The following CHIC2 variants were observed in gnomAD, a reference collection of about 807,000 sequenced individuals.
CHIC2 encodes the protein cysteine rich hydrophobic domain 2, also known as cysteine-rich hydrophobic domain-containing protein 2.
Under a neutral mutation model 25.9 loss-of-function variants are expected in CHIC2, and 14 were observed. That is an observed-to-expected ratio of 0.54 (90% CI 0.36 to 0.85). The LOEUF (loss-of-function observed/expected upper bound fraction) is 0.85. Ranked by LOEUF, CHIC2 falls within the 40% of genes least tolerant of loss-of-function variation. The pLI, the probability that CHIC2 is intolerant of heterozygous loss-of-function variation, is 0.01. For synonymous variants in CHIC2, 70 were observed against 72.0 expected (o/e 0.97, Z 0.14); for missense variants, 146 against 202.0 (o/e 0.72, Z 1.68).
chr4:54,089,210 C>A, the CHIC2 span, among the ~76,000 whole-genome samples: 2 of 152,122 alleles, frequency 1.3e-5, no homozygotes, highest in African/African-American at 4.8e-5. Flanking sequence ...AATTCAAGAA[C>A]CTAGATCTGC....
the CHIC2 span, among the ~76,000 whole-genome samples, chr4:54,084,493 C>CAAA: frequency 2.6e-4 from 39 of 147,698 alleles, no homozygotes; most frequent in African/African-American, 8.4e-4. Context: ...AGAAAAATTA[C>CAAA]AAAAAAAAAA....
At chr4:54,041,256 C>T (rs1716569009) in intron 3 of CHIC2, among the ~76,000 whole-genome samples, 1 of 151,570 alleles carries the variant, frequency 6.6e-6, no homozygotes, top group South Asian at 2.1e-4. Context: ...TGCCTTTGGT[C>T]CTGATTTGTC....
At chr4:54,048,103 C>G (rs577368108) in intron 3 of CHIC2, among the ~76,000 whole-genome samples, 20 of 152,256 alleles carry the variant, frequency 1.3e-4, no homozygotes, top group Non-Finnish European at 1.5e-4. Flanking sequence ...ATTCTCCTGC[C>G]TCAGCCTCCT....
chr4:54,065,236 G>A (rs937416394), upstream of CHIC2: 9 of 615,848 alleles, frequency 1.5e-5, no homozygotes, highest in African/African-American at 2.0e-5. Flanking sequence ...AGCGATGCTG[G>A]TATTTTTTTT....
the CHIC2 span, among the ~76,000 whole-genome samples, chr4:54,074,282 G>A: frequency 6.6e-6 from 1 of 152,086 alleles, no homozygotes; most frequent in Non-Finnish European, 1.5e-5. Flanking sequence ...TTAAAACATG[G>A]CTTTTAAGAC....
At chr4:54,072,836 G>A in the CHIC2 span, among the ~76,000 whole-genome samples, 1 of 152,184 alleles carries the variant, frequency 6.6e-6, no homozygotes, top group Non-Finnish European at 1.5e-5. Flanking sequence ...ACTTTGGGAG[G>A]CCAAGGCGGA....
intron 3 of CHIC2, among the ~76,000 whole-genome samples, chr4:54,036,263 C>T (rs1017829355): frequency 2.0e-5 from 3 of 152,164 alleles, no homozygotes; most frequent in Non-Finnish European, 4.4e-5. Context: ...GTTATCAAGA[C>T]AGTGGTACTA....
chr4:54,045,947 CAA>C (rs1716771741), intron 3 of CHIC2, among the ~76,000 whole-genome samples: 1 of 151,946 alleles, frequency 6.6e-6, no homozygotes, highest in Admixed American at 6.6e-5. Flanking sequence ...GCAACTTCAG[CAA>C]AGTCTCAGGA....
chr4:54,073,492 G>A, the CHIC2 span, among the ~76,000 whole-genome samples: 2 of 152,180 alleles, frequency 1.3e-5, no homozygotes, highest in Non-Finnish European at 2.9e-5. Flanking sequence ...ACCATGTCAT[G>A]AGGACACTCA....
chr4:54,089,111 G>C, the CHIC2 span, among the ~76,000 whole-genome samples: 75 of 152,132 alleles, frequency 4.9e-4, no homozygotes, highest in Non-Finnish European at 7.4e-5. Context: ...TGACCACTAA[G>C]ACCATTTCAT....
chr4:54,031,976 G>T (rs1275149669), intron 3 of CHIC2, among the ~76,000 whole-genome samples: 2 of 152,010 alleles, frequency 1.3e-5, no homozygotes, highest in African/African-American at 4.8e-5. Flanking sequence ...TGAGTGGTTT[G>T]ATAAGTGTCA....
At chr4:54,026,707 T>G (rs1420495639) in intron 3 of CHIC2, among the ~76,000 whole-genome samples, 1 of 152,114 alleles carries the variant, frequency 6.6e-6, no homozygotes, top group East Asian at 1.9e-4. Flanking sequence ...TTTCCTAGTA[T>G]GCCAAACTCT....
chr4:54,040,703 CAAA>C (rs71200354), intron 3 of CHIC2, among the ~76,000 whole-genome samples: 1,146 of 59,278 alleles, frequency 0.019, 26 homozygotes, highest in African/African-American at 0.069. Context: ...AACTCTGTCT[CAAA>C]AAAAAAAAAA....
At chr4:54,032,455 A>C (rs1716262317) in intron 3 of CHIC2, among the ~76,000 whole-genome samples, 1 of 151,800 alleles carries the variant, frequency 6.6e-6, no homozygotes, top group Non-Finnish European at 1.5e-5. Context: ...TTTGGTGGAG[A>C]CGGGGTTTCG....
the CHIC2 span, among the ~76,000 whole-genome samples, chr4:54,080,981 T>TAA: frequency 8.8e-6 from 1 of 113,174 alleles, no homozygotes; most frequent in Non-Finnish European, 1.8e-5. Flanking sequence ...TATATATATA[T>TAA]ATATAAAATC....
At chr4:54,091,081 G>T in the CHIC2 span, among the ~76,000 whole-genome samples, 28 of 152,076 alleles carry the variant, frequency 1.8e-4, no homozygotes, top group African/African-American at 5.8e-4. Context: ...ACATAAAGAT[G>T]ATCCACAGGT....
chr4:54,085,175 A>G, the CHIC2 span, among the ~76,000 whole-genome samples: 2 of 152,214 alleles, frequency 1.3e-5, no homozygotes, highest in Non-Finnish European at 2.9e-5. Flanking sequence ...GTCCTTAAGG[A>G]ACAAGTATTA....
At chr4:54,030,594 T>G (rs1005144158) in intron 3 of CHIC2, among the ~76,000 whole-genome samples, 125 of 147,216 alleles carry the variant, frequency 8.5e-4, no homozygotes, top group Non-Finnish European at 1.5e-3. Context: ...TATAAATGTA[T>G]AAATCTATAT....
At chr4:54,071,198 A>G in the CHIC2 span, among the ~76,000 whole-genome samples, 1 of 152,224 alleles carries the variant, frequency 6.6e-6, no homozygotes, top group Non-Finnish European at 1.5e-5. Flanking sequence ...GTGTATATAG[A>G]TTAAGCATCC....
Sources: gnomAD v4.1 joint callset for allele counts (sites outside exome capture counted in the v4.1 genomes callset) on GRCh38, gnomAD v4.1.1 for gene constraint, MANE v1.5 for transcripts, NCBI Gene and HGNC (gene_info 2026-07-23, HGNC 2026-07-21) for gene names.